The following RALYL variants were observed in gnomAD, a reference collection of about 807,000 sequenced individuals.
RALYL encodes RNA-binding Raly-like protein.
RALYL carries 29 observed loss-of-function variants against 35.1 expected under a neutral mutation model. The ratio of observed to expected loss-of-function variants is 0.83; its 90% CI spans 0.61 to 1.13. The LOEUF is 1.13. RALYL is among the 50% of genes most tolerant of loss of function. The pLI is 0.00. For synonymous variants in RALYL, 120 were observed against 127.6 expected, an observed-to-expected ratio of 0.94 and a Z score of 0.40; for missense variants, 359 against 360.4, an observed-to-expected ratio of 1.00 and a Z score of 0.03.
chr8:84,525,744 T>G (rs1480518359), intron 1 of RALYL, among the ~76,000 whole-genome samples: 1 of 152,116 alleles, frequency 6.6e-6, no homozygotes, highest in African/African-American at 2.4e-5. Flanking sequence ...TTCTGCAGTT[T>G]CATCACCATT....
chr8:84,396,047 G>T (rs73300782), intron 1 of RALYL, among the ~76,000 whole-genome samples: 4,305 of 151,674 alleles, frequency 0.028, 200 homozygotes, highest in African/African-American at 0.098. Context: ...TTGACTATAT[G>T]GACTAATTTA....
At chr8:84,693,620 G>A (rs1838526881) in intron 2 of RALYL, among the ~76,000 whole-genome samples, 1 of 151,846 alleles carries the variant, frequency 6.6e-6, no homozygotes, top group African/African-American at 2.4e-5. Context: ...ATTTTATGAG[G>A]CCAGCATTAC....
intron 6 of RALYL, among the ~76,000 whole-genome samples, chr8:84,862,880 A>G (rs2135070771): frequency 6.6e-6 from 1 of 152,336 alleles, no homozygotes; most frequent in South Asian, 2.1e-4. Flanking sequence ...GGCAAACTAT[A>G]GAGATGTTAA....
At chr8:84,213,372 GGCAACAGA>G (rs1819987686) in intron 1 of RALYL, among the ~76,000 whole-genome samples, 1 of 151,886 alleles carries the variant, frequency 6.6e-6, no homozygotes, top group Non-Finnish European at 1.5e-5. Context: ...CTCCAGCCTG[GGCAACAGA>G]GCAAGACTCC....
chr8:84,527,962 C>T (rs1278877909), intron 1 of RALYL, among the ~76,000 whole-genome samples: 1 of 152,096 alleles, frequency 6.6e-6, no homozygotes, highest in Admixed American at 6.6e-5. Context: ...TAATTTGAAA[C>T]ATTTTATGCT....
intron 2 of RALYL, among the ~76,000 whole-genome samples, chr8:84,568,591 GTA>G (rs1426975870): frequency 7.1e-6 from 1 of 141,032 alleles, no homozygotes; most frequent in Admixed American, 7.3e-5. Context: ...GGGTCAAATG[GTA>G]TTTCTAGTTC....
At chr8:84,540,979 T>G (rs1016159055) in intron 2 of RALYL, among the ~76,000 whole-genome samples, 1 of 152,082 alleles carries the variant, frequency 6.6e-6, no homozygotes, top group Non-Finnish European at 1.5e-5. Flanking sequence ...CTTTTTGTTT[T>G]TTTAATCAGA....
At chr8:84,769,778 A>T (rs1256423912) in intron 2 of RALYL, among the ~76,000 whole-genome samples, 2 of 152,142 alleles carry the variant, frequency 1.3e-5, no homozygotes, top group South Asian at 2.1e-4. Flanking sequence ...ATTTTCTCTG[A>T]TGTGAATATT....
At chr8:84,694,623 C>A (rs1838767170) in intron 2 of RALYL, among the ~76,000 whole-genome samples, 1 of 151,812 alleles carries the variant, frequency 6.6e-6, no homozygotes, top group South Asian at 2.1e-4. Context: ...ATGTATGGAA[C>A]CACAGAAGAC....
At chr8:84,259,576 G>C (rs1209207879) in intron 1 of RALYL, among the ~76,000 whole-genome samples, 1 of 152,064 alleles carries the variant, frequency 6.6e-6, no homozygotes, top group Non-Finnish European at 1.5e-5. Context: ...TTTTTTAGAT[G>C]AACTATCTGA....
At chr8:84,382,896 C>T (rs181910388) in intron 1 of RALYL, among the ~76,000 whole-genome samples, 30 of 151,766 alleles carry the variant, frequency 2.0e-4, no homozygotes, top group Admixed American at 1.8e-3. Flanking sequence ...TGCCACCTTA[C>T]GTGATTGTAG....
chr8:84,311,834 A>G (rs921913296), intron 1 of RALYL, among the ~76,000 whole-genome samples: 1 of 152,216 alleles, frequency 6.6e-6, no homozygotes, highest in South Asian at 2.1e-4. Flanking sequence ...GAGTCAGAGC[A>G]ACAATACCAA....
At chr8:84,686,980 G>C (rs1474759253) in intron 2 of RALYL, among the ~76,000 whole-genome samples, 1 of 152,038 alleles carries the variant, frequency 6.6e-6, no homozygotes, top group Non-Finnish European at 1.5e-5. Flanking sequence ...ATTACAAATA[G>C]TCTTTCCATG....
At chr8:84,555,543 A>C (rs1451289237) in intron 2 of RALYL, among the ~76,000 whole-genome samples, 1 of 152,150 alleles carries the variant, frequency 6.6e-6, no homozygotes, top group East Asian at 1.9e-4. Flanking sequence ...CTTCTCTTTC[A>C]CTAACTGGTA....
chr8:84,621,317 C>A (rs574860297), intron 2 of RALYL, among the ~76,000 whole-genome samples: 3 of 152,150 alleles, frequency 2.0e-5, no homozygotes, highest in Non-Finnish European at 2.9e-5. Flanking sequence ...TTTTTAAGCC[C>A]GTCGGAAAAG....
intron 2 of RALYL, among the ~76,000 whole-genome samples, chr8:84,655,014 AAACTGTTCTT>A (rs1829682451): frequency 6.6e-6 from 1 of 152,126 alleles, no homozygotes; most frequent in East Asian, 1.9e-4. Context: ...GGGAACCTCC[AAACTGTTCTT>A]CATAGTGGAT....
intron 4 of RALYL, among the ~76,000 whole-genome samples, chr8:84,829,894 T>C (rs575421546): frequency 6.6e-6 from 1 of 151,804 alleles, no homozygotes; most frequent in Non-Finnish European, 1.5e-5. Context: ...TATCAATATA[T>C]GATGTTGATT....
chr8:84,874,983 T>G (rs1840857397), intron 7 of RALYL, among the ~76,000 whole-genome samples: 1 of 152,116 alleles, frequency 6.6e-6, no homozygotes, highest in Non-Finnish European at 1.5e-5. Flanking sequence ...ACACTAACCC[T>G]TGTTAAGGTA....
At chr8:84,406,162 A>G (rs1295815438) in intron 1 of RALYL, among the ~76,000 whole-genome samples, 1 of 151,746 alleles carries the variant, frequency 6.6e-6, no homozygotes, top group African/African-American at 2.4e-5. Context: ...TGTTATATGT[A>G]TGCTTACATT....
Sources: allele counts gnomAD v4.1 joint callset (sites outside exome capture counted in the v4.1 genomes callset), GRCh38; gene constraint gnomAD v4.1.1; transcripts MANE v1.5; gene names NCBI Gene and HGNC (gene_info 2026-07-23, HGNC 2026-07-21).